PELI1: variants seen among roughly 807,000 people sequenced by gnomAD.
The protein encoded by PELI1 is pellino E3 ubiquitin protein ligase 1, also known as E3 ubiquitin-protein ligase pellino homolog 1.
A neutral mutation model predicts 41.3 loss-of-function variants in PELI1; 15 were observed. That is an observed-to-expected ratio of 0.36 (90% CI 0.24 to 0.56). The LOEUF (loss-of-function observed/expected upper bound fraction) is 0.56. Among genes scored for constraint, PELI1 ranks in the 20% least tolerant of loss-of-function variants. PELI1 has a pLI of 0.82. For synonymous variants in PELI1, 178 were observed against 180.1 expected, an observed-to-expected ratio of 0.99 and a Z score of 0.09; for missense variants, 403 against 525.5, an observed-to-expected ratio of 0.77 and a Z score of 2.28.
chr2:64,124,752 A>G (rs1207119489), intron 1 of PELI1, among the ~76,000 whole-genome samples: 3 of 152,146 alleles, frequency 2.0e-5, no homozygotes, highest in Admixed American at 6.5e-5. Context: ...ATCAACCACC[A>G]ACTCTCCAAT....
In PELI1 at chr2:64,105,573, C is replaced by T. The variant is rs987951491; in HGVS notation, c.72-743G>A. On this transcript the variant is annotated intron_variant, in intron 2 of 6. Coordinates refer to ENST00000358912, the MANE Select transcript of PELI1 (RefSeq NM_020651.4). ...ATTGAATGCTATCCCATACACATCACCTCACTAAATCTACCCTTGCAAAAA... is the reference window on the plus strand; with the variant it reads ...ATTGAATGCTATCCCATACACATCATCTCACTAAATCTACCCTTGCAAAAA... Among the ~76,000 whole-genome samples, 57 of 152,154 alleles carry T rather than the reference C, an allele frequency of 3.7e-4. 1 individual carries two copies. The highest frequency in any genetic ancestry group is 2.6e-3 in the Admixed American group (40 of 15,272).
chr2:64,095,986 G>T, intron 6 of PELI1, 139 bp downstream of exon 6: 1 of 650,672 alleles, frequency 1.5e-6, no homozygotes, highest in Non-Finnish European at 2.6e-6. Context: ...TATAGAATTT[G>T]GTAGTCAGTG....
Position 64,104,835 on chromosome 2 carries a change from TG to T in PELI1, c.72-6del. ...TTTGGGAGAGACCCATTATACCTGA[TG>T]GGGGAAAAAAAGTATAGGTGATCTC... is the stretch of plus-strand genomic sequence containing the variant. On this transcript the variant is annotated splice_polypyrimidine_tract_variant and splice_region_variant and intron_variant, in intron 2 of 6. Transcript: ENST00000358912. The T allele has an allele frequency of 6.2e-7, 1 of 1,605,970 alleles. No individual in the cohort carries two copies. The highest frequency in any genetic ancestry group is 8.5e-7 in the Non-Finnish European group (1 of 1,177,188).
At chr2:64,122,798 T>C (rs553543973) in intron 1 of PELI1, among the ~76,000 whole-genome samples, 1 of 152,348 alleles carries the variant, frequency 6.6e-6, no homozygotes, top group South Asian at 2.1e-4. Flanking sequence ...CCTAAGATTT[T>C]TCAACAAGGT....
intron 1 of PELI1, among the ~76,000 whole-genome samples, chr2:64,116,689 T>C (rs1681003450): frequency 6.6e-6 from 1 of 152,232 alleles, no homozygotes; most frequent in Admixed American, 6.5e-5. Context: ...ACTCTGGAAT[T>C]GCTGAAACAA....
chr2:64,107,918 T>C (rs1416025128), intron 2 of PELI1, among the ~76,000 whole-genome samples: 1 of 152,210 alleles, frequency 6.6e-6, no homozygotes, highest in Non-Finnish European at 1.5e-5. Flanking sequence ...CCTCAGGTAA[T>C]CTGCCTGTCT....
At chr2:64,112,825 C>T (rs1040030768) in intron 1 of PELI1, among the ~76,000 whole-genome samples, 2 of 152,114 alleles carry the variant, frequency 1.3e-5, no homozygotes, top group African/African-American at 4.8e-5. Context: ...GCTATTCTTC[C>T]TGGAACTTTT....
At chr2:64,114,170 T>C (rs1032345860) in intron 1 of PELI1, among the ~76,000 whole-genome samples, 7 of 152,226 alleles carry the variant, frequency 4.6e-5, no homozygotes, top group African/African-American at 1.4e-4. Context: ...GGACTGCATA[T>C]ATTATCTCAG....
At chr2:64,116,704 GT>G (rs1490175000) in intron 1 of PELI1, among the ~76,000 whole-genome samples, 1 of 152,142 alleles carries the variant, frequency 6.6e-6, no homozygotes, top group Non-Finnish European at 1.5e-5. Context: ...AAACAATTGA[GT>G]TTTAAAGTTT....
intron 1 of PELI1, among the ~76,000 whole-genome samples, chr2:64,112,385 C>T (rs1680833861): frequency 6.6e-6 from 1 of 152,052 alleles, no homozygotes; most frequent in Non-Finnish European, 1.5e-5. Context: ...TTACAAGTAA[C>T]GTGCATAACA....
intron 1 of PELI1, among the ~76,000 whole-genome samples, chr2:64,140,595 ACT>A (rs1681870045): frequency 6.6e-6 from 1 of 152,008 alleles, no homozygotes; most frequent in African/African-American, 2.4e-5. Context: ...TGTTTTGATT[ACT>A]TTTTTCTATC....
At chr2:64,125,997 C>A (rs60643329) in intron 1 of PELI1, among the ~76,000 whole-genome samples, 3,468 of 152,230 alleles carry the variant, frequency 0.023, 112 homozygotes, top group African/African-American at 0.077. Context: ...TGCAAGTATT[C>A]CAAAATCCAA....
intron 1 of PELI1, among the ~76,000 whole-genome samples, chr2:64,141,561 C>T (rs2103753444): frequency 6.6e-6 from 1 of 152,214 alleles, no homozygotes; most frequent in Middle Eastern, 3.4e-3. Flanking sequence ...CATTAGTTGT[C>T]CACGAAGCAT....
At chr2:64,110,813 G>C (rs1197982537) in intron 1 of PELI1, among the ~76,000 whole-genome samples, 1 of 152,064 alleles carries the variant, frequency 6.6e-6, no homozygotes, top group Non-Finnish European at 1.5e-5. Context: ...TGTAGTCCTA[G>C]CTACTCGGGA....
At chr2:64,095,322 C>T in intron 6 of PELI1, 54 bp from the exon 7 acceptor site, 1 of 1,301,680 alleles carries the variant, frequency 7.7e-7, no homozygotes, top group Non-Finnish European at 1.1e-6. Flanking sequence ...TGGATTTTTA[C>T]ATAAGTGTTT....
At position 64,094,627 on chromosome 2, in the gene PELI1, C is replaced by T. The variant is rs1284296016; in HGVS notation, c.*75G>A. ...AATGACCAGAGCAGAAAAACTGTGA[C>T]GTGGACAACAGGTTCGAAAACCCAA... On this transcript the variant is annotated 3_prime_UTR_variant, in exon 7 of 7. Transcript: ENST00000358912. 21 of 966,210 alleles carry T rather than the reference C, an allele frequency of 2.2e-5. No individual in the cohort carries two copies. The highest frequency in any genetic ancestry group is 3.3e-5 in the South Asian group (2 of 60,744). 59.9% of individuals were successfully genotyped at this position (966,210 alleles called of 1,614,324 possible). A position where few individuals can be genotyped will look rare whatever the true frequency, so the allele number is the denominator to read the frequency against.
intron 1 of PELI1, among the ~76,000 whole-genome samples, chr2:64,135,900 T>C (rs2103743000): frequency 6.6e-6 from 1 of 152,350 alleles, no homozygotes; most frequent in East Asian, 1.9e-4. Flanking sequence ...CATCTGAGCC[T>C]TAGCTCATTA....
At chr2:64,111,628 G>A (rs1384257297) in intron 1 of PELI1, among the ~76,000 whole-genome samples, 2 of 152,082 alleles carry the variant, frequency 1.3e-5, no homozygotes, top group Non-Finnish European at 2.9e-5. Flanking sequence ...TGAGTTGTGA[G>A]GCAATCAGAT....
At chr2:64,135,352 G>A (rs555420375) in intron 1 of PELI1, among the ~76,000 whole-genome samples, 1 of 151,984 alleles carries the variant, frequency 6.6e-6, no homozygotes, top group East Asian at 1.9e-4. Context: ...ATCTCTTAGT[G>A]TCTGATGAGA....
Sources: gnomAD v4.1 joint callset for allele counts (sites outside exome capture counted in the v4.1 genomes callset) on GRCh38, gnomAD v4.1.1 for gene constraint, MANE v1.5 for transcripts, NCBI Gene and HGNC (gene_info 2026-07-23, HGNC 2026-07-21) for gene names.